The following PM20D1 variants were observed in gnomAD, a reference collection of about 807,000 sequenced individuals.
PM20D1 encodes the protein N-fatty-acyl-amino acid synthase/hydrolase PM20D1.
PM20D1 carries 53 observed loss-of-function variants against 53.8 expected under a neutral mutation model. The ratio of observed to expected loss-of-function variants is 0.98; its 90% CI spans 0.79 to 1.24. PM20D1 has a LOEUF of 1.24. PM20D1 is among the 50% of genes most tolerant of loss of function. The pLI is 0.00. For missense variants in PM20D1, 564 were observed against 616.8 expected, an observed-to-expected ratio of 0.91 and a Z score of 0.91; for synonymous variants, 239 against 241.3, an observed-to-expected ratio of 0.99 and a Z score of 0.09.
intron 2 of PM20D1, among the ~76,000 whole-genome samples, chr1:205,847,015 T>C (rs1657005338): frequency 7.5e-6 from 1 of 133,670 alleles, no homozygotes; most frequent in South Asian, 2.6e-4. Flanking sequence ...TCTTTTTTTT[T>C]TTTTTTTTTT....
chr1:205,834,078 C>T (rs1270017309), intron 10 of PM20D1, among the ~76,000 whole-genome samples: 2 of 151,200 alleles, frequency 1.3e-5, no homozygotes, highest in East Asian at 3.9e-4. Context: ...AAACTCCTGA[C>T]CTCAAGTGAT....
chr1:205,842,117 G>C (rs1656824804), intron 8 of PM20D1, 37 bp downstream of exon 8: 1 of 1,580,734 alleles, frequency 6.3e-7, no homozygotes, highest in South Asian at 1.1e-5. Context: ...GTAGGTTTGA[G>C]GTGAGGGATG....
Position 205,848,015 on chromosome 1 carries a change from C to G in PM20D1, c.170-44G>C, listed in dbSNP as rs117607111. On this transcript the variant is annotated intron_variant, in intron 1 of 12. Coordinates refer to ENST00000367136, the MANE Select transcript of PM20D1 (RefSeq NM_152491.5). ...GATGAAAGATTGAAAATGAATTAGT[C>G]ATTGTTTTTTTCTACAGTCCTCTGT... 1,543 of 1,579,812 alleles carry G rather than the reference C, an allele frequency of 9.8e-4. 28 individuals carry two copies. The East Asian group carries it at 0.033, about 34-fold the overall frequency.
chr1:205,842,265 G>A, intron 7 of PM20D1, 50 bp from the exon 8 acceptor site: 1 of 1,522,242 alleles, frequency 6.6e-7, no homozygotes, highest in Non-Finnish European at 9.1e-7. Context: ...GTTTAGCCTG[G>A]GTCTCTGAGA....
Position 205,843,784 on chromosome 1 carries a change from A to G in PM20D1, c.710T>C (p.Ile237Thr), listed in dbSNP as rs7518979. ...IPNFKKPIALIAVSEKGSMNL... is the reference protein window; with the variant it reads ...IPNFKKPIALTAVSEKGSMNL... ...CATGGAACCCTTCTCTGAGACTGCA[A>G]TCCTGTAGAAGAGGATCGGAAACCA... The change falls in exon 6 of 13, where the codon ATT becomes ACT. Residue 237 changes from isoleucine (I) to threonine (T), a missense_variant and splice_region_variant. Physicochemically the swap from Ile to Thr is moderately conservative, Grantham distance 89. Coordinates refer to ENST00000367136, the MANE Select transcript of PM20D1 (RefSeq NM_152491.5). 0.17 allele frequency: 266,485 copies of G among 1,613,212 alleles called. 25,303 individuals are homozygous for G. Among genetic ancestry groups the G allele is most frequent in the East Asian group, 0.39 (17,567 of 44,870 alleles).
rs760588734 is a variant in PM20D1, at chr1:205,841,937, G to A, written c.966-48C>T. 10 of 1,499,886 alleles carry A rather than the reference G, an allele frequency of 6.7e-6. No individual in the cohort carries two copies. In the South Asian group the frequency reaches 1.2e-4, roughly 18 times the overall value. 92.9% of individuals were successfully genotyped at this position (1,499,886 alleles called of 1,614,324 possible). On this transcript the variant is annotated intron_variant, in intron 8 of 12. Transcript: ENST00000367136. ...AGATGTTAGAAAGAACCAATGGGGTGAAGGAAAGGGCGGAAACATTACCCA... is the reference window on the plus strand; with the variant it reads ...AGATGTTAGAAAGAACCAATGGGGTAAAGGAAAGGGCGGAAACATTACCCA...
At chr1:205,848,329 C>T (rs1657046642) in intron 1 of PM20D1, among the ~76,000 whole-genome samples, 1 of 152,180 alleles carries the variant, frequency 6.6e-6, no homozygotes, top group Non-Finnish European at 1.5e-5. Flanking sequence ...GCCTCACTAC[C>T]TCTGAAATCA....
At chr1:205,834,453 G>A (rs559511309) in intron 10 of PM20D1, among the ~76,000 whole-genome samples, 28 of 152,200 alleles carry the variant, frequency 1.8e-4, no homozygotes, top group African/African-American at 6.5e-4. Context: ...CACCGTGCCC[G>A]GCCCCAAGAG....
chr1:205,834,436 C>T (rs759574492), intron 10 of PM20D1, among the ~76,000 whole-genome samples: 30 of 152,118 alleles, frequency 2.0e-4, no homozygotes, highest in African/African-American at 3.9e-4. Flanking sequence ...GGACTACAGG[C>T]GTGAGCCACC....
intron 1 of PM20D1, 138 bp from the exon 2 acceptor site, chr1:205,848,109 A>G (rs1657041591): frequency 2.5e-6 from 2 of 790,990 alleles, no homozygotes; most frequent in Non-Finnish European, 4.2e-6. Context: ...GGTAGGCGCT[A>G]TTGTTTCCTC....
chr1:205,841,370 T>G (rs1054481870), intron 9 of PM20D1, among the ~76,000 whole-genome samples: 1 of 152,142 alleles, frequency 6.6e-6, no homozygotes, highest in African/African-American at 2.4e-5. Context: ...AACTGGGTAT[T>G]GGGGCAATAC....
intron 12 of PM20D1, among the ~76,000 whole-genome samples, chr1:205,829,327 C>G (rs1656508709): frequency 6.6e-6 from 1 of 152,138 alleles, no homozygotes; most frequent in Admixed American, 6.5e-5. Context: ...CCACACTTGG[C>G]CAAGAACTAT....
At position 205,828,565 on chromosome 1, in the gene PM20D1, T is replaced by A; in HGVS notation, c.*55A>T. ...GTTTCATCAACACTAGCTTTCCCCC[T>A]TGGGTTAGTCCTGTCCCGGGGTCGG... is the stretch of plus-strand genomic sequence containing the variant. On this transcript the variant is annotated 3_prime_UTR_variant, in exon 13 of 13. Transcript: ENST00000367136. The A allele has an allele frequency of 6.2e-7, 1 of 1,602,894 alleles. No homozygotes were observed.
At position 205,841,904 on chromosome 1, in the gene PM20D1, C is replaced by T. The variant is rs1354224223; in HGVS notation, c.966-15G>A. 2 of 1,553,218 alleles carry T rather than the reference C, an allele frequency of 1.3e-6. No homozygotes were observed. Among genetic ancestry groups the T allele is most frequent in the Admixed American group, 3.9e-5 (2 of 51,486 alleles). On this transcript the variant is annotated splice_polypyrimidine_tract_variant and intron_variant, in intron 8 of 12. Coordinates refer to ENST00000367136, the MANE Select transcript of PM20D1 (RefSeq NM_152491.5). ...TCTCCATAAACCTAAAACAAAAGGA[C>T]CAAGGTCAGATGTTAGAAAGAACCA...
chr1:205,846,291 CAGG>C (rs1656979051), intron 2 of PM20D1, among the ~76,000 whole-genome samples: 1 of 151,932 alleles, frequency 6.6e-6, no homozygotes. Flanking sequence ...AAGGCTGAGG[CAGG>C]AGAACTGCTT....
chr1:205,828,885 G>C (rs1656499194), intron 12 of PM20D1, 142 bp from the exon 13 acceptor site: 1 of 1,097,390 alleles, frequency 9.1e-7, no homozygotes, highest in African/African-American at 1.6e-5. Flanking sequence ...AGGGGCAAGG[G>C]AGGGGCCATC....
intron 9 of PM20D1, among the ~76,000 whole-genome samples, chr1:205,841,312 GGCTGTTGCAAATTA>G (rs1431660480): frequency 2.0e-5 from 3 of 152,116 alleles, no homozygotes; most frequent in African/African-American, 7.2e-5. Context: ...GACAGAGCTG[GGCTGTTGCAAATTA>G]GCTGTTGCAA....
chr1:205,831,590 GT>G (rs1438056330), intron 11 of PM20D1, among the ~76,000 whole-genome samples: 1 of 141,432 alleles, frequency 7.1e-6, no homozygotes, highest in Non-Finnish European at 1.5e-5. Flanking sequence ...TTTTGACAGA[GT>G]CTTGCTCTGT....
chr1:205,843,861 C>A, intron 5 of PM20D1, 75 bp from the exon 6 acceptor site: 1 of 1,566,744 alleles, frequency 6.4e-7, no homozygotes, highest in Non-Finnish European at 8.6e-7. Context: ...ATAGGTCCAT[C>A]TGTGCAATAG....
Sources: gnomAD v4.1 joint callset for allele counts (sites outside exome capture counted in the v4.1 genomes callset) on GRCh38, gnomAD v4.1.1 for gene constraint, MANE v1.5 for transcripts, NCBI Gene and HGNC (gene_info 2026-07-23, HGNC 2026-07-21) for gene names.